Variants in TCERG1L observed in about 807,000 individuals in gnomAD.
The protein encoded by TCERG1L is transcription elongation regulator 1-like protein.
TCERG1L carries 37 observed loss-of-function variants against 56.3 expected under a neutral mutation model. The ratio of observed to expected loss-of-function variants is 0.66; its 90% CI spans 0.51 to 0.87. TCERG1L has a LOEUF of 0.87. TCERG1L is among the 40% of genes least tolerant of loss of function. The probability of loss-of-function intolerance (pLI) is 0.00; values close to 1 mark genes in which losing one functional copy is unlikely to be tolerated. For synonymous variants in TCERG1L, 324 were observed against 326.3 expected (o/e 0.99, Z 0.08); for missense variants, 799 against 774.2 (o/e 1.03, Z -0.38).
At chr10:131,214,942 T>C (rs1010437496) in intron 4 of TCERG1L, among the ~76,000 whole-genome samples, 2 of 152,212 alleles carry the variant, frequency 1.3e-5, no homozygotes, top group Admixed American at 1.3e-4. Flanking sequence ...CTCATCTCAT[T>C]GAATTTTCAC....
chr10:131,116,425 G>A (rs997450413), intron 9 of TCERG1L, among the ~76,000 whole-genome samples: 5 of 152,048 alleles, frequency 3.3e-5, no homozygotes, highest in African/African-American at 4.8e-5. Flanking sequence ...CCGGCCTCCC[G>A]GTGGACCCCA....
intron 3 of TCERG1L, among the ~76,000 whole-genome samples, chr10:131,277,490 C>T (rs1185541879): frequency 1.3e-5 from 2 of 152,206 alleles, no homozygotes; most frequent in Non-Finnish European, 2.9e-5. Flanking sequence ...CTCCCCACCT[C>T]CTGGCGAGCA....
intron 3 of TCERG1L, among the ~76,000 whole-genome samples, chr10:131,286,646 T>G (rs1846546755): frequency 6.6e-6 from 1 of 152,236 alleles, no homozygotes; most frequent in Admixed American, 6.5e-5. Context: ...ACCATATATG[T>G]AGCTTAAAAT....
chr10:131,178,304 G>A (rs1450698798), intron 4 of TCERG1L, among the ~76,000 whole-genome samples: 2 of 152,204 alleles, frequency 1.3e-5, no homozygotes, highest in African/African-American at 4.8e-5. Flanking sequence ...GCCGACTAGC[G>A]CGGGGCCCTG....
At chr10:131,222,710 G>A (rs1416549145) in intron 4 of TCERG1L, among the ~76,000 whole-genome samples, 3 of 152,158 alleles carry the variant, frequency 2.0e-5, no homozygotes, top group East Asian at 1.9e-4. Context: ...AAGCAGTCAC[G>A]GCAACAGCCT....
At chr10:131,245,953 G>A (rs1328735293) in intron 4 of TCERG1L, among the ~76,000 whole-genome samples, 10 of 152,176 alleles carry the variant, frequency 6.6e-5, no homozygotes, top group African/African-American at 2.4e-4. Context: ...AAGGTCCAGG[G>A]CCCTTGCTGA....
rs1845466011 is a variant in TCERG1L, at chr10:131,116,949, G to T, written c.1260-15C>A. On this transcript the variant is annotated splice_polypyrimidine_tract_variant and intron_variant, in intron 8 of 11. Coordinates refer to ENST00000368642, the MANE Select transcript of TCERG1L (RefSeq NM_174937.4). ...AGCCTTCGGTCCTTCAGGAACACAA[G>T]ACGCAGAGTTAGACACACTCGTGGG... 2.5e-6 allele frequency: 4 copies of T among 1,604,626 alleles called. No individual in the cohort carries two copies. The highest frequency in any genetic ancestry group is 2.2e-5 in the East Asian group (1 of 44,586).
At chr10:131,105,442 G>C (rs554533485) in intron 9 of TCERG1L, among the ~76,000 whole-genome samples, 34 of 152,234 alleles carry the variant, frequency 2.2e-4, no homozygotes, top group African/African-American at 7.7e-4. Flanking sequence ...AAATGTCCTG[G>C]GGGGGATACT....
In TCERG1L at chr10:131,143,419, C is replaced by T. The variant is rs1056480109; in HGVS notation, c.1189+3087G>A. 3.9e-5 allele frequency among the ~76,000 whole-genome samples: 6 copies of T among 152,126 alleles called. No homozygotes were observed. In the East Asian group the frequency reaches 1.2e-3, roughly 29 times the overall value. On this transcript the variant is annotated intron_variant, in intron 7 of 11. Transcript: ENST00000368642. ...GGGTATGTATTCCCTCTCTCTCCCT[C>T]GCCTCTCCTCCCTCCAACCCAGAGG...
chr10:131,219,479 T>C (rs1301304247), intron 4 of TCERG1L, among the ~76,000 whole-genome samples: 1 of 152,152 alleles, frequency 6.6e-6, no homozygotes, highest in African/African-American at 2.4e-5. Context: ...AGCTTACCCC[T>C]GTGGAGCCTA....
At chr10:131,173,368 A>G (rs528237525) in intron 4 of TCERG1L, among the ~76,000 whole-genome samples, 17 of 152,370 alleles carry the variant, frequency 1.1e-4, no homozygotes, top group Admixed American at 2.6e-4. Context: ...TTATCCGTCA[A>G]TTTAACCGGT....
chr10:131,299,506 C>A (rs187242481), intron 3 of TCERG1L, among the ~76,000 whole-genome samples: 2 of 149,982 alleles, frequency 1.3e-5, no homozygotes, highest in African/African-American at 5.0e-5. Context: ...ATATATCTTT[C>A]GAAGATATAT....
chr10:131,220,357 C>T (rs576661858), intron 4 of TCERG1L, among the ~76,000 whole-genome samples: 3 of 152,344 alleles, frequency 2.0e-5, no homozygotes, highest in Admixed American at 2.0e-4. Context: ...AGGGAGAGCA[C>T]AGCCCTTGGG....
chr10:131,243,211 C>T (rs866691374), intron 4 of TCERG1L, among the ~76,000 whole-genome samples: 22 of 152,206 alleles, frequency 1.4e-4, no homozygotes, highest in Middle Eastern at 6.8e-3. Context: ...GTCCCTCCCA[C>T]GCTGACCCTG....
At chr10:131,197,509 C>A (rs923324104) in intron 4 of TCERG1L, among the ~76,000 whole-genome samples, 1 of 151,420 alleles carries the variant, frequency 6.6e-6, no homozygotes, top group African/African-American at 2.4e-5. Context: ...TTTTTTCTGA[C>A]GCAAACTTCA....
At chr10:131,128,197 T>G (rs1331096507) in intron 8 of TCERG1L, among the ~76,000 whole-genome samples, 1 of 152,052 alleles carries the variant, frequency 6.6e-6, no homozygotes, top group Non-Finnish European at 1.5e-5. Flanking sequence ...AGTGAATAAA[T>G]GTCATAAATG....
chr10:131,183,767 C>T (rs775603100), intron 4 of TCERG1L, among the ~76,000 whole-genome samples: 2 of 152,334 alleles, frequency 1.3e-5, no homozygotes, highest in Non-Finnish European at 2.9e-5. Flanking sequence ...GGGGGGACCC[C>T]TGTTCTGTCT....
intron 4 of TCERG1L, among the ~76,000 whole-genome samples, chr10:131,176,092 G>T (rs1846144685): frequency 6.6e-6 from 1 of 152,308 alleles, no homozygotes; most frequent in South Asian, 2.1e-4. Context: ...GGGTGCTAGA[G>T]CAAGCACCCA....
At chr10:131,207,193 C>T (rs1181569934) in intron 4 of TCERG1L, among the ~76,000 whole-genome samples, 1 of 151,420 alleles carries the variant, frequency 6.6e-6, no homozygotes, top group Non-Finnish European at 1.5e-5. Context: ...CTGATCCCCT[C>T]CCCCACCCAA....
Sources: allele counts gnomAD v4.1 joint callset (sites outside exome capture counted in the v4.1 genomes callset), GRCh38; gene constraint gnomAD v4.1.1; transcripts MANE v1.5; gene names NCBI Gene and HGNC (gene_info 2026-07-23, HGNC 2026-07-21).